NPAS2: variants seen among roughly 807,000 people sequenced by gnomAD.
The protein encoded by NPAS2 is neuronal PAS domain protein 2.
Under a neutral mutation model 107.5 loss-of-function variants are expected in NPAS2, and 23 were observed. That is an observed-to-expected ratio of 0.21 (90% CI 0.15 to 0.30). The LOEUF (loss-of-function observed/expected upper bound fraction) is 0.30. NPAS2 is among the 10% of genes least tolerant of loss of function. NPAS2 has a pLI of 1.00. For missense variants in NPAS2, 756 were observed against 1,043.3 expected, an observed-to-expected ratio of 0.72 and a Z score of 3.79; for synonymous variants, 403 against 417.5, an observed-to-expected ratio of 0.97 and a Z score of 0.42.
chr2:100,850,980 A>AG (rs1678139282), intron 1 of NPAS2, among the ~76,000 whole-genome samples: 1 of 148,940 alleles, frequency 6.7e-6, no homozygotes, highest in South Asian at 2.1e-4. Flanking sequence ...AAAAAAAAAA[A>AG]GGAAGGACAT....
At chr2:100,967,281 C>T (rs1676276792) in intron 10 of NPAS2, among the ~76,000 whole-genome samples, 2 of 123,086 alleles carry the variant, frequency 1.6e-5, no homozygotes, top group Non-Finnish European at 3.2e-5. Context: ...GAGTCTCACT[C>T]TGTCACCCAG....
chr2:100,875,722 C>G (rs554926404), intron 1 of NPAS2, among the ~76,000 whole-genome samples: 1 of 152,230 alleles, frequency 6.6e-6, no homozygotes, highest in African/African-American at 2.4e-5. Context: ...AATTTGCCAG[C>G]CTGCTTGGTC....
chr2:100,972,247 C>G (rs1328374703), intron 12 of NPAS2, among the ~76,000 whole-genome samples: 1 of 152,302 alleles, frequency 6.6e-6, no homozygotes, highest in South Asian at 2.1e-4. Flanking sequence ...TGTGCCTGGC[C>G]TCCACCTGAT....
intron 3 of NPAS2, among the ~76,000 whole-genome samples, chr2:100,926,903 C>T (rs1458277935): frequency 2.0e-5 from 3 of 148,960 alleles, no homozygotes; most frequent in African/African-American, 7.4e-5. Context: ...TCTATGTTTT[C>T]TTCTAAAAGG....
At chr2:100,978,851 G>C (rs1677216652) in intron 15 of NPAS2, among the ~76,000 whole-genome samples, 1 of 152,240 alleles carries the variant, frequency 6.6e-6, no homozygotes, top group Non-Finnish European at 1.5e-5. Flanking sequence ...GAGGTTGCCA[G>C]ATGGTTTGGC....
intron 18 of NPAS2, 116 bp downstream of exon 18, chr2:100,990,562 A>G (rs1678051975): frequency 5.0e-6 from 6 of 1,196,306 alleles, no homozygotes; most frequent in Non-Finnish European, 4.8e-6. Context: ...AAGTGTCCAC[A>G]GTTGATCTCA....
intron 1 of NPAS2, among the ~76,000 whole-genome samples, chr2:100,830,627 C>T (rs1676673561): frequency 6.6e-6 from 1 of 152,156 alleles, no homozygotes; most frequent in Non-Finnish European, 1.5e-5. Flanking sequence ...TAGCTTCATC[C>T]AACCCAGCAG....
Position 100,965,472 on chromosome 2 carries a change from C to CA in NPAS2, c.801-178dup, listed in dbSNP as rs10711978. On this transcript the variant is annotated intron_variant, in intron 9 of 20. Coordinates refer to ENST00000335681, the MANE Select transcript of NPAS2 (RefSeq NM_002518.4). The surrounding 1 kb of genome is among the most constrained non-coding windows in gnomAD (Gnocchi z 4.3). The stretch of plus-strand genomic sequence containing the variant: ...CCAAGGGAAAGGAGTATCTATATGC[C>CA]AAAAAAAAAAGCTGAGCCCTTTGGA... 8.0e-5 allele frequency among the ~76,000 whole-genome samples: 12 copies of CA among 150,884 alleles called. No individual in the cohort carries two copies. The highest frequency in any genetic ancestry group is 4.2e-4 in the South Asian group (2 of 4,776).
At chr2:100,949,600 T>C (rs1352430167) in intron 7 of NPAS2, 120 bp downstream of exon 7, 9 of 638,024 alleles carry the variant, frequency 1.4e-5, no homozygotes. Context: ...CATTTGCATT[T>C]GAATTTTCGA....
chr2:100,882,506 G>A (rs1680427014), intron 1 of NPAS2, among the ~76,000 whole-genome samples: 1 of 152,180 alleles, frequency 6.6e-6, no homozygotes, highest in Non-Finnish European at 1.5e-5. Flanking sequence ...CAGCTACTCG[G>A]GAGGCTGAGG....
chr2:100,917,301 G>A (rs138174699), intron 2 of NPAS2, among the ~76,000 whole-genome samples: 3 of 152,222 alleles, frequency 2.0e-5, no homozygotes, highest in South Asian at 4.1e-4. Flanking sequence ...CCAAGGTAAG[G>A]GGATCATTTG....
chr2:100,931,879 G>A (rs563889884), intron 3 of NPAS2, among the ~76,000 whole-genome samples: 28 of 152,274 alleles, frequency 1.8e-4, no homozygotes, highest in East Asian at 5.8e-4. Flanking sequence ...CATGCGCCAC[G>A]TAAGAGAGAT....
At chr2:100,850,516 A>C (rs1292810805) in intron 1 of NPAS2, among the ~76,000 whole-genome samples, 1 of 152,222 alleles carries the variant, frequency 6.6e-6, no homozygotes, top group Non-Finnish European at 1.5e-5. Flanking sequence ...ATCCAAAAAA[A>C]TGTTACAGGG....
chr2:100,940,869 A>G (rs1201903116), intron 5 of NPAS2, among the ~76,000 whole-genome samples: 1 of 152,140 alleles, frequency 6.6e-6, no homozygotes, highest in Non-Finnish European at 1.5e-5. Flanking sequence ...AGGAGCTGAG[A>G]GGTGGTGGTC....
In NPAS2 at chr2:100,820,916, G is replaced by C. The variant is rs1676031649; in HGVS notation, c.-23+502G>C. The stretch of plus-strand genomic sequence containing the variant: ...CTGGGTCGGAATTGGTTCCGGGCCG[G>C]ATTGGGTGCGGAATCGGTGCCCCCA... On this transcript the variant is annotated intron_variant, in intron 1 of 20. Transcript: ENST00000335681. This position sits in a 1 kb window ranked among gnomAD's most constrained non-coding sequence, Gnocchi z 5.6. 1.6e-6 allele frequency: 1 copy of C among 644,752 alleles called. No homozygotes were observed. The highest frequency in any genetic ancestry group is 2.3e-6 in the Non-Finnish European group (1 of 428,662). The allele number at this position is 644,752 out of a possible 1,614,324, so 39.9% of individuals were successfully genotyped here.
rs1180854790 is a variant in NPAS2, at chr2:100,971,051, G to A, written c.1117G>A (p.Ala373Thr). The change falls in exon 12 of 21, where the codon GCC becomes ACC. Residue 373 changes from alanine (A) to threonine (T), a missense_variant. By Grantham distance (58) the Ala-to-Thr change is moderately conservative. Coordinates refer to ENST00000335681, the MANE Select transcript of NPAS2 (RefSeq NM_002518.4). ...ELALEDPPSE[A>T]LHSSALKDKG... ...GGCTCTGGAAGACCCGCCATCCGAG[G>A]CCCTCCACTCCTCAGCACTAAAGGT... 6.2e-7 allele frequency: 1 copy of A among 1,614,150 alleles called. No individual in the cohort carries two copies. The highest frequency in any genetic ancestry group is 8.5e-7 in the Non-Finnish European group (1 of 1,180,022).
Position 100,858,101 on chromosome 2 carries a change from AG to A in NPAS2, c.-23+37691del, listed in dbSNP as rs1432923464. 2.0e-5 allele frequency among the ~76,000 whole-genome samples: 3 copies of A among 152,378 alleles called. No homozygotes were observed. In the East Asian group the frequency reaches 5.8e-4, roughly 29 times the overall value. ...CATGATAGTCCTAGACAAAGAGGCC[AG>A]GGGTTAAGTCATGGAAAAGAGGTCT... On this transcript the variant is annotated intron_variant, in intron 1 of 20. Transcript: ENST00000335681.
At chr2:100,949,330 G>T (rs368720531) in intron 6 of NPAS2, 37 bp from the exon 7 acceptor site, 2 of 1,201,580 alleles carry the variant, frequency 1.7e-6, no homozygotes, top group South Asian at 1.2e-5. Flanking sequence ...CAATGCTCAC[G>T]ACCCCTTTCT....
At chr2:100,980,475 A>G (rs1677368950) in intron 15 of NPAS2, among the ~76,000 whole-genome samples, 1 of 151,376 alleles carries the variant, frequency 6.6e-6, no homozygotes, top group South Asian at 2.1e-4. Flanking sequence ...TTTTGTTTAT[A>G]TATATATTTT....
Sources: gnomAD v4.1 joint callset for allele counts (sites outside exome capture counted in the v4.1 genomes callset) on GRCh38, gnomAD v4.1.1 for gene constraint, Gnocchi (gnomAD v3.1) non-coding constraint, MANE v1.5 for transcripts, NCBI Gene and HGNC (gene_info 2026-07-23, HGNC 2026-07-21) for gene names.